The following EBF2 variants were observed in gnomAD, a reference collection of about 807,000 sequenced individuals.
The protein encoded by EBF2 is transcription factor COE2.
In EBF2, 21 loss-of-function variants were observed where a neutral mutation model predicts 72.8. The observed-to-expected ratio is 0.29, with a 90% CI of 0.20 to 0.42. The LOEUF (loss-of-function observed/expected upper bound fraction) is 0.42, where lower values mean the gene tolerates loss of function less well. Ranked by LOEUF, EBF2 falls within the 10% of genes least tolerant of loss-of-function variation. EBF2 has a pLI of 1.00. For synonymous variants in EBF2, 299 were observed against 274.2 expected (o/e 1.09, Z -0.89); for missense variants, 637 against 731.2 (o/e 0.87, Z 1.49).
chr8:25,853,681 A>G (rs1165924765), intron 14 of EBF2, among the ~76,000 whole-genome samples: 1 of 152,006 alleles, frequency 6.6e-6, no homozygotes, highest in Non-Finnish European at 1.5e-5. Flanking sequence ...GCCAAAAATA[A>G]TAGGTTCAAG....
chr8:25,950,062 GA>G (rs1201608864), intron 6 of EBF2, among the ~76,000 whole-genome samples: 9 of 152,326 alleles, frequency 5.9e-5, no homozygotes, highest in African/African-American at 2.2e-4. Flanking sequence ...TCTCAGTCTA[GA>G]ACCGTATTAA....
intron 6 of EBF2, among the ~76,000 whole-genome samples, chr8:25,933,308 A>G (rs1256636543): frequency 6.6e-6 from 1 of 152,254 alleles, no homozygotes; most frequent in Non-Finnish European, 1.5e-5. Flanking sequence ...CAGTCACTGC[A>G]TGCAGAGAAA....
intron 6 of EBF2, among the ~76,000 whole-genome samples, chr8:25,958,384 A>C (rs996843440): frequency 6.8e-6 from 1 of 146,252 alleles, no homozygotes; most frequent in African/African-American, 2.5e-5. Flanking sequence ...ACCTCCACTC[A>C]TTATGATTTC....
chr8:25,912,975 T>G (rs1803153558), intron 6 of EBF2, among the ~76,000 whole-genome samples: 1 of 152,164 alleles, frequency 6.6e-6, no homozygotes, highest in South Asian at 2.1e-4. Flanking sequence ...ACAGGAGGCT[T>G]GAAATCACAG....
At chr8:25,877,564 G>A (rs983800020) in intron 10 of EBF2, among the ~76,000 whole-genome samples, 1 of 152,132 alleles carries the variant, frequency 6.6e-6, no homozygotes, top group African/African-American at 2.4e-5. Flanking sequence ...TGGCAACCAT[G>A]GGGGTCTGGC....
In EBF2 at chr8:25,949,574, A is replaced by G. The variant is rs1002859991; in HGVS notation, c.552-41019T>C. 2.0e-5 allele frequency among the ~76,000 whole-genome samples: 3 copies of G among 152,304 alleles called. No homozygotes were observed. In the South Asian group the frequency reaches 6.2e-4, roughly 32 times the overall value. ...CATGAGTTTGAAGTTGGTCCTCTCC[A>G]TGAGGTCCTTTTAAAATGCAAGTGT... On this transcript the variant is annotated intron_variant, in intron 6 of 15. Coordinates refer to ENST00000520164, the MANE Select transcript of EBF2 (RefSeq NM_022659.4).
At chr8:25,847,493 G>T (rs918369263) in intron 15 of EBF2, among the ~76,000 whole-genome samples, 12 of 152,218 alleles carry the variant, frequency 7.9e-5, no homozygotes, top group African/African-American at 2.9e-4. Context: ...ACGAGGAAGA[G>T]CATAAGGTAA....
intron 6 of EBF2, among the ~76,000 whole-genome samples, chr8:25,910,521 T>G (rs1384761777): frequency 6.6e-6 from 1 of 152,158 alleles, no homozygotes; most frequent in African/African-American, 2.4e-5. Flanking sequence ...CGCTCCAAAA[T>G]GTATCTGGTG....
At chr8:25,957,721 C>A (rs1227779752) in intron 6 of EBF2, among the ~76,000 whole-genome samples, 3 of 152,068 alleles carry the variant, frequency 2.0e-5, no homozygotes, top group African/African-American at 7.2e-5. Flanking sequence ...TAAAAATTAG[C>A]CGGGTGTGGT....
chr8:26,012,223 G>A (rs10112830), intron 6 of EBF2, among the ~76,000 whole-genome samples: 148,527 of 152,222 alleles, frequency 0.98, 72,479 homozygotes, highest in East Asian at 1. Flanking sequence ...GCCACAGGTA[G>A]AACATACGAG....
At chr8:26,033,219 T>C in intron 5 of EBF2, 66 bp from the exon 6 acceptor site, 2 of 1,497,280 alleles carry the variant, frequency 1.3e-6, no homozygotes, top group Middle Eastern at 3.4e-4. Flanking sequence ...AATGAGCACA[T>C]GACAAGAACA....
intron 7 of EBF2, among the ~76,000 whole-genome samples, chr8:25,891,365 G>T (rs1017221043): frequency 6.6e-5 from 10 of 151,816 alleles, no homozygotes; most frequent in Non-Finnish European, 1.5e-4. Context: ...AGTTACGCAT[G>T]GCCATTATTA....
intron 6 of EBF2, among the ~76,000 whole-genome samples, chr8:25,943,020 G>A (rs898728460): frequency 1.3e-5 from 2 of 152,290 alleles, no homozygotes; most frequent in South Asian, 2.1e-4. Context: ...ATTCTAATGC[G>A]AAAGTTCCCA....
At chr8:26,021,525 G>C (rs749210516) in intron 6 of EBF2, among the ~76,000 whole-genome samples, 3 of 152,196 alleles carry the variant, frequency 2.0e-5, no homozygotes, top group South Asian at 2.1e-4. Context: ...TAAGAAACCA[G>C]GATTCAGATA....
chr8:25,944,037 C>T (rs557296102), intron 6 of EBF2, among the ~76,000 whole-genome samples: 2 of 152,254 alleles, frequency 1.3e-5, no homozygotes, highest in African/African-American at 4.8e-5. Context: ...AACAGATGAG[C>T]TTTATGAAAG....
intron 6 of EBF2, among the ~76,000 whole-genome samples, chr8:25,984,007 C>T (rs979407606): frequency 2.0e-5 from 3 of 152,240 alleles, no homozygotes; most frequent in Admixed American, 6.5e-5. Context: ...GGCCACCCTG[C>T]CATGTGCGGG....
intron 6 of EBF2, among the ~76,000 whole-genome samples, chr8:25,991,300 C>A (rs1356273249): frequency 6.6e-6 from 1 of 152,136 alleles, no homozygotes; most frequent in African/African-American, 2.4e-5. Flanking sequence ...AGCCAAGGAG[C>A]AAGAATATAT....
At chr8:25,866,528 TATATA>T (rs1390839821) in intron 10 of EBF2, among the ~76,000 whole-genome samples, 2 of 143,330 alleles carry the variant, frequency 1.4e-5, no homozygotes, top group East Asian at 2.0e-4. Flanking sequence ...AATATAAAAA[TATATA>T]ATATATATTA....
At chr8:25,960,479 A>G (rs1158137727) in intron 6 of EBF2, among the ~76,000 whole-genome samples, 3 of 152,220 alleles carry the variant, frequency 2.0e-5, no homozygotes, top group South Asian at 2.1e-4. Context: ...CAGAATAAAT[A>G]TCTATCAGAT....
Sources: gnomAD v4.1 joint callset for allele counts (sites outside exome capture counted in the v4.1 genomes callset) on GRCh38, gnomAD v4.1.1 for gene constraint, MANE v1.5 for transcripts, NCBI Gene and HGNC (gene_info 2026-07-23, HGNC 2026-07-21) for gene names.